Variants in RAB3C observed in about 807,000 individuals in gnomAD.
RAB3C encodes RAB3C, member RAS oncogene family.
Under a neutral mutation model 26.4 loss-of-function variants are expected in RAB3C, and 17 were observed. The observed-to-expected ratio is 0.64, with a 90% CI of 0.44 to 0.97. The LOEUF is 0.97. Ranked by LOEUF, RAB3C falls within the 50% of genes least tolerant of loss-of-function variation. The pLI is 0.00. For missense variants in RAB3C, 242 were observed against 281.9 expected (o/e 0.86, Z 1.01); for synonymous variants, 91 against 95.9 (o/e 0.95, Z 0.30).
intron 2 of RAB3C, among the ~76,000 whole-genome samples, chr5:58,715,643 T>C (rs1749155150): frequency 6.6e-6 from 1 of 152,140 alleles, no homozygotes; most frequent in Non-Finnish European, 1.5e-5. Context: ...AATATGGTTC[T>C]GGAATACAGA....
chr5:58,747,198 G>A (rs1271062686), intron 3 of RAB3C, among the ~76,000 whole-genome samples: 3 of 152,064 alleles, frequency 2.0e-5, no homozygotes, highest in African/African-American at 7.2e-5. Flanking sequence ...ATATTTGAAG[G>A]ATCTTTAATA....
At chr5:58,633,674 C>T (rs1348253658) in intron 2 of RAB3C, among the ~76,000 whole-genome samples, 1 of 152,046 alleles carries the variant, frequency 6.6e-6, no homozygotes, top group African/African-American at 2.4e-5. Context: ...GTTATATGGG[C>T]TCCTAAGGGT....
At chr5:58,762,584 T>C (rs1197784398) in intron 3 of RAB3C, among the ~76,000 whole-genome samples, 4 of 152,042 alleles carry the variant, frequency 2.6e-5, no homozygotes, top group African/African-American at 9.7e-5. Flanking sequence ...TCCCAGCTAC[T>C]TGGGAAGCTG....
chr5:58,627,486 A>C (rs1747081399), intron 2 of RAB3C, among the ~76,000 whole-genome samples: 2 of 18,964 alleles, frequency 1.1e-4, no homozygotes, highest in African/African-American at 1.7e-3. Flanking sequence ...AAAAAAAAAA[A>C]AAAAAAAAAA....
chr5:58,747,947 A>G (rs771717306), intron 3 of RAB3C, among the ~76,000 whole-genome samples: 12 of 152,272 alleles, frequency 7.9e-5, no homozygotes, highest in Non-Finnish European at 1.3e-4. Flanking sequence ...TAGTACATTT[A>G]GAGTCGTCTT....
intron 3 of RAB3C, among the ~76,000 whole-genome samples, chr5:58,819,831 G>T (rs1182176593): frequency 6.6e-6 from 1 of 152,046 alleles, no homozygotes; most frequent in African/African-American, 2.4e-5. Flanking sequence ...GTGAGCCACT[G>T]TACTCCAACC....
chr5:58,765,107 A>G (rs533132783), intron 3 of RAB3C, among the ~76,000 whole-genome samples: 2 of 152,338 alleles, frequency 1.3e-5, no homozygotes, highest in East Asian at 1.9e-4. Context: ...TTAAAAATAG[A>G]AACAGAATCA....
At chr5:58,602,080 A>G (rs1312613030) in intron 1 of RAB3C, among the ~76,000 whole-genome samples, 2 of 151,958 alleles carry the variant, frequency 1.3e-5, no homozygotes, top group African/African-American at 4.8e-5. Flanking sequence ...AGAATTTTTA[A>G]ATTTCCATCC....
chr5:58,630,422 T>C (rs1401782024), intron 2 of RAB3C, among the ~76,000 whole-genome samples: 2 of 152,192 alleles, frequency 1.3e-5, no homozygotes, highest in Non-Finnish European at 2.9e-5. Flanking sequence ...ATTAAAAATA[T>C]TTATTTTCAT....
At chr5:58,769,846 A>T (rs1011751974) in intron 3 of RAB3C, among the ~76,000 whole-genome samples, 1 of 152,220 alleles carries the variant, frequency 6.6e-6, no homozygotes, top group Non-Finnish European at 1.5e-5. Flanking sequence ...TTCTGATAAA[A>T]TATGAAGCTC....
At chr5:58,787,591 G>A (rs1742420632) in intron 3 of RAB3C, among the ~76,000 whole-genome samples, 1 of 152,188 alleles carries the variant, frequency 6.6e-6, no homozygotes, top group Admixed American at 6.5e-5. Flanking sequence ...ACAGTTTGGA[G>A]AAGGCTATTT....
intron 1 of RAB3C, among the ~76,000 whole-genome samples, chr5:58,597,654 C>T (rs1177023921): frequency 7.5e-6 from 1 of 134,088 alleles, no homozygotes; most frequent in Admixed American, 8.2e-5. Flanking sequence ...ATATATAGTA[C>T]ATTATATATA....
intron 1 of RAB3C, among the ~76,000 whole-genome samples, chr5:58,612,514 G>GTATATA (rs1467524083): frequency 1.5e-4 from 8 of 54,094 alleles, no homozygotes; most frequent in African/African-American, 6.0e-4. Flanking sequence ...GTGTGTGTGT[G>GTATATA]TGTGTGTATA....
chr5:58,784,565 G>A lies in RAB3C; in HGVS notation c.372-40473G>A, dbSNP rs528977446. ...TATCACTCGGTTTACATGTATTGCT[G>A]CTTTTTCATTAAAGAAAAAAATGTG... On this transcript the variant is annotated intron_variant, in intron 3 of 4. Transcript: ENST00000282878. Among the ~76,000 whole-genome samples, 4 of 151,800 alleles carry A rather than the reference G, an allele frequency of 2.6e-5. No homozygotes were observed. The East Asian group carries it at 7.8e-4, about 29-fold the overall frequency.
intron 2 of RAB3C, among the ~76,000 whole-genome samples, chr5:58,673,814 C>T (rs188826548): frequency 3.3e-5 from 5 of 152,314 alleles, no homozygotes; most frequent in African/African-American, 9.6e-5. Flanking sequence ...TCACCCTGAA[C>T]ATGCCTCTCA....
chr5:58,799,663 A>G (rs1742760418), intron 3 of RAB3C, among the ~76,000 whole-genome samples: 1 of 152,152 alleles, frequency 6.6e-6, no homozygotes, highest in Non-Finnish European at 1.5e-5. Flanking sequence ...CCACACTCTC[A>G]GTCTCCTCAC....
At chr5:58,679,756 C>A (rs1215928172) in intron 2 of RAB3C, among the ~76,000 whole-genome samples, 2 of 152,144 alleles carry the variant, frequency 1.3e-5, no homozygotes, top group Non-Finnish European at 2.9e-5. Context: ...AAATCTGAAT[C>A]AGAATCAGAG....
chr5:58,793,402 C>T (rs1301134814), intron 3 of RAB3C, among the ~76,000 whole-genome samples: 2 of 151,874 alleles, frequency 1.3e-5, no homozygotes, highest in African/African-American at 4.8e-5. Context: ...ACTAAAAATA[C>T]AAAAATTAGC....
chr5:58,740,074 G>A (rs1332065397), intron 3 of RAB3C, among the ~76,000 whole-genome samples: 1 of 152,166 alleles, frequency 6.6e-6, no homozygotes, highest in Non-Finnish European at 1.5e-5. Context: ...CTGGTTTAGG[G>A]AGCATCTCAC....
Sources: allele counts gnomAD v4.1 joint callset (sites outside exome capture counted in the v4.1 genomes callset), GRCh38; gene constraint gnomAD v4.1.1; transcripts MANE v1.5; gene names NCBI Gene and HGNC (gene_info 2026-07-23, HGNC 2026-07-21).